Variants in LSAMP observed in about 807,000 individuals in gnomAD.
The protein encoded by LSAMP is limbic system associated membrane protein.
Under a neutral mutation model 38.6 loss-of-function variants are expected in LSAMP, and 7 were observed. The ratio of observed to expected loss-of-function variants is 0.18; its 90% CI spans 0.10 to 0.34. The LOEUF (loss-of-function observed/expected upper bound fraction) is 0.34, where lower values mean the gene tolerates loss of function less well. Among genes scored for constraint, LSAMP ranks in the 10% least tolerant of loss-of-function variants. The pLI, the probability that LSAMP is intolerant of heterozygous loss-of-function variation, is 1.00. For synonymous variants in LSAMP, 154 were observed against 166.8 expected, an observed-to-expected ratio of 0.92 and a Z score of 0.59; for missense variants, 313 against 420.0, an observed-to-expected ratio of 0.75 and a Z score of 2.23.
intron 1 of LSAMP, among the ~76,000 whole-genome samples, chr3:116,211,822 G>A (rs1270096418): frequency 6.6e-6 from 1 of 152,126 alleles, no homozygotes; most frequent in African/African-American, 2.4e-5. Context: ...ATCATTTCTG[G>A]TCTAATGTGG....
intron 6 of LSAMP, among the ~76,000 whole-genome samples, 200 bp from the exon 7 acceptor site, chr3:115,810,614 G>A (rs1391970198): frequency 6.6e-6 from 1 of 152,186 alleles, no homozygotes; most frequent in African/African-American, 2.4e-5. Context: ...ATCCTAAGGG[G>A]CATCATTGGC....
At chr3:116,294,223 A>G (rs893623217) in intron 1 of LSAMP, among the ~76,000 whole-genome samples, 7 of 152,150 alleles carry the variant, frequency 4.6e-5, no homozygotes, top group Non-Finnish European at 7.4e-5. Flanking sequence ...CACTCAGTGG[A>G]TTATTCACAT....
At chr3:116,391,304 G>T (rs1576186084) in intron 1 of LSAMP, among the ~76,000 whole-genome samples, 1 of 142,532 alleles carries the variant, frequency 7.0e-6, no homozygotes, top group African/African-American at 2.5e-5. Flanking sequence ...CGCCCCCCCC[G>T]TGCCCCATGT....
chr3:116,221,150 C>CAAAAA lies in LSAMP; in HGVS notation c.156-134599_156-134595dup, dbSNP rs71141862. ...TGTGTGACAGAGCGAGACTCTGTCTCAAAAAAAAAAAAAAAAAAAAGGAAA... is the reference window on the plus strand; with the variant it reads ...TGTGTGACAGAGCGAGACTCTGTCTCAAAAAAAAAAAAAAAAAAAAAAAAAGGAAA... On this transcript the variant is annotated intron_variant, in intron 1 of 6. Transcript: ENST00000490035. Among the ~76,000 whole-genome samples the CAAAAA allele has an allele frequency of 6.8e-4, 36 of 53,186 alleles. 9 individuals carry two copies. The highest frequency in any genetic ancestry group is 1.2e-3 in the South Asian group (1 of 840). The allele number at this position is 53,186 out of a possible 152,430, so 34.9% of individuals were successfully genotyped here. A position where few individuals can be genotyped will look rare whatever the true frequency, so the allele number is the denominator to read the frequency against.
Position 116,406,287 on chromosome 3 carries a change from A to G in LSAMP, c.155+38590T>C, listed in dbSNP as rs182525143. Among the ~76,000 whole-genome samples the G allele has an allele frequency of 2.7e-3, 418 of 152,228 alleles. 2 individuals are homozygous for G. Among genetic ancestry groups the G allele is most frequent in the African/African-American group, 9.6e-3 (397 of 41,562 alleles). ...TACAAAGAGAATTATCCAAACACCC[A>G]GCTCTTTCTATGTCTTGGAAATCAT... On this transcript the variant is annotated intron_variant, in intron 1 of 6. Transcript: ENST00000490035.
intron 1 of LSAMP, among the ~76,000 whole-genome samples, chr3:116,131,021 T>C (rs1299394348): frequency 2.1e-5 from 3 of 144,914 alleles, no homozygotes; most frequent in Non-Finnish European, 4.5e-5. Flanking sequence ...GACGGAGTCT[T>C]GATCTGTCGC....
chr3:116,109,346 A>G (rs553581689), intron 1 of LSAMP, among the ~76,000 whole-genome samples: 3 of 151,966 alleles, frequency 2.0e-5, no homozygotes, highest in South Asian at 2.1e-4. Context: ...AAGAATTGGG[A>G]CCTAGCTTGG....
chr3:116,179,197 G>A (rs1050528050), intron 1 of LSAMP, among the ~76,000 whole-genome samples: 9 of 152,134 alleles, frequency 5.9e-5, no homozygotes, highest in African/African-American at 2.2e-4. Context: ...GCTTCCTGCT[G>A]TACTTCAGTC....
At chr3:115,819,829 A>ATTCCT (rs1934169530) in intron 6 of LSAMP, among the ~76,000 whole-genome samples, 1 of 152,186 alleles carries the variant, frequency 6.6e-6, no homozygotes, top group South Asian at 2.1e-4. Context: ...TTCTTTAGGA[A>ATTCCT]AAGAGAATGG....
At chr3:116,029,336 T>A (rs984609565) in intron 2 of LSAMP, among the ~76,000 whole-genome samples, 2 of 152,128 alleles carry the variant, frequency 1.3e-5, no homozygotes, top group African/African-American at 4.8e-5. Context: ...GGAACATGAT[T>A]TCATTTAGAC....
intron 1 of LSAMP, among the ~76,000 whole-genome samples, chr3:116,322,021 T>G (rs149136049): frequency 2.2e-4 from 33 of 152,312 alleles, no homozygotes; most frequent in Middle Eastern, 3.4e-3. Context: ...AAGGAAAACA[T>G]GGTATTTATA....
chr3:116,202,301 A>G (rs1253596808), intron 1 of LSAMP, among the ~76,000 whole-genome samples: 1 of 151,936 alleles, frequency 6.6e-6, no homozygotes, highest in Non-Finnish European at 1.5e-5. Flanking sequence ...ACACCTGGCT[A>G]ATTTTTGTAT....
At position 115,860,914 on chromosome 3, in the gene LSAMP, G is replaced by A. The variant is rs575905035; in HGVS notation, c.515-8297C>T. Among the ~76,000 whole-genome samples the A allele has an allele frequency of 3.9e-5, 6 of 152,320 alleles. No homozygotes were observed. The East Asian group carries it at 1.2e-3, about 29-fold the overall frequency. On this transcript the variant is annotated intron_variant, in intron 3 of 6. Transcript: ENST00000490035. ...GATGTGTGAGGACATGCACTGGGAT[G>A]TGACGGGTGGTTTGAGGACTCTGGA...
At chr3:116,099,096 C>T (rs1274115664) in intron 1 of LSAMP, among the ~76,000 whole-genome samples, 1 of 152,216 alleles carries the variant, frequency 6.6e-6, no homozygotes, top group Non-Finnish European at 1.5e-5. Context: ...TGTACTACTG[C>T]ATTCACCATG....
intron 3 of LSAMP, among the ~76,000 whole-genome samples, chr3:115,996,272 A>G (rs1483817825): frequency 1.3e-5 from 2 of 152,122 alleles, no homozygotes. Flanking sequence ...ATAACTACAC[A>G]TTGAACATTT....
At chr3:116,344,219 A>G (rs1174613897) in intron 1 of LSAMP, among the ~76,000 whole-genome samples, 2 of 152,116 alleles carry the variant, frequency 1.3e-5, no homozygotes, top group African/African-American at 4.8e-5. Flanking sequence ...TTTCTCCTTA[A>G]AAGCCCAACT....
chr3:116,273,707 T>TATATATATATATAC (rs1307543165), intron 1 of LSAMP, among the ~76,000 whole-genome samples: 1 of 102,650 alleles, frequency 9.7e-6, no homozygotes, highest in African/African-American at 4.7e-5. Flanking sequence ...TATATATATA[T>TATATATATATATAC]ACACACACAC....
At chr3:116,018,918 A>G (rs950425876) in intron 3 of LSAMP, among the ~76,000 whole-genome samples, 2 of 152,208 alleles carry the variant, frequency 1.3e-5, no homozygotes, top group African/African-American at 4.8e-5. Flanking sequence ...GCACAGAACC[A>G]GATGCCAAGG....
chr3:116,338,177 C>G (rs909662802), intron 1 of LSAMP, among the ~76,000 whole-genome samples: 4 of 151,974 alleles, frequency 2.6e-5, no homozygotes, highest in African/African-American at 7.2e-5. Flanking sequence ...TTATCCTCCT[C>G]TAGACATAGC....
Sources: gnomAD v4.1 joint callset for allele counts (sites outside exome capture counted in the v4.1 genomes callset) on GRCh38, gnomAD v4.1.1 for gene constraint, MANE v1.5 for transcripts, NCBI Gene and HGNC (gene_info 2026-07-23, HGNC 2026-07-21) for gene names.